DCST1: variants seen among roughly 807,000 people sequenced by gnomAD.
DCST1 encodes E3 ubiquitin-protein ligase DCST1.
Under a neutral mutation model 89.1 loss-of-function variants are expected in DCST1, and 78 were observed. That is an observed-to-expected ratio of 0.88 (90% CI 0.73 to 1.06). The LOEUF (loss-of-function observed/expected upper bound fraction) is 1.06. Ranked by LOEUF, DCST1 falls within the 50% of genes least tolerant of loss-of-function variation. The probability of loss-of-function intolerance (pLI) is 0.00; values close to 1 mark genes in which losing one functional copy is unlikely to be tolerated. For synonymous variants in DCST1, 364 were observed against 371.9 expected (o/e 0.98, Z 0.24); for missense variants, 900 against 928.6 (o/e 0.97, Z 0.40).
At chr1:155,041,307 G>T (rs1660433529) in intron 6 of DCST1, 90 bp from the exon 7 acceptor site, 3 of 1,376,170 alleles carry the variant, frequency 2.2e-6, no homozygotes, top group Non-Finnish European at 3.0e-6. Flanking sequence ...AGAACCCAAA[G>T]CTTGGCTACT....
At chr1:155,038,498 G>A (rs1660338139) in intron 4 of DCST1, among the ~76,000 whole-genome samples, 3 of 152,232 alleles carry the variant, frequency 2.0e-5, no homozygotes, top group African/African-American at 7.2e-5. Flanking sequence ...AGATGATGGG[G>A]ACTCTACCAC....
chr1:155,046,469 T>C lies in DCST1; in HGVS notation c.1478T>C (p.Leu493Pro). The C allele has an allele frequency of 6.2e-7, 1 of 1,614,050 alleles. No homozygotes were observed. Among genetic ancestry groups the C allele is most frequent in the Non-Finnish European group, 8.5e-7 (1 of 1,179,996 alleles). The change falls in exon 13 of 17, where the codon CTG becomes CCG. Residue 493 changes from leucine to proline, a missense_variant. Leu to Pro is a moderately conservative substitution (Grantham distance 98, BLOSUM62 -3). Transcript: ENST00000295542. ...IFDTIRHHSF[L>P]QYSFRSSHKL... Reference sequence around the variant, plus strand: ...GACACCATCCGCCACCACTCCTTCCTGCAGTACTCCTTCCGCAGTAAGCCC... The same window carrying C: ...GACACCATCCGCCACCACTCCTTCCCGCAGTACTCCTTCCGCAGTAAGCCC...
In DCST1 at chr1:155,046,401, G is replaced by A; in HGVS notation, c.1410G>A (p.Leu470=). ...AGACACTGCCCATTCTGCTGCTGCT[G>A]GTGGTGCTGTGTGGCTTGGACTGGG... ...LLETLPILLL[L]VVLCGLDWAL... The change falls in exon 13 of 17, where the codon CTG becomes CTA. Residue 470 remains leucine, a synonymous_variant. Transcript: ENST00000295542. 1.2e-6 allele frequency: 2 copies of A among 1,614,102 alleles called. No individual in the cohort carries two copies. Among genetic ancestry groups the A allele is most frequent in the South Asian group, 2.2e-5 (2 of 91,078 alleles).
At chr1:155,045,211 G>A (rs993909957) in intron 10 of DCST1, 4 of 152,576 alleles carry the variant, frequency 2.6e-5, no homozygotes, top group African/African-American at 7.2e-5. Context: ...TACAGAGTTT[G>A]TTTAATGTAC....
chr1:155,040,664 C>A, intron 6 of DCST1, 40 bp downstream of exon 6: 1 of 1,517,110 alleles, frequency 6.6e-7, no homozygotes, highest in South Asian at 1.2e-5. Flanking sequence ...GGGTCCCTCT[C>A]CCTGGGGCCA....
intron 16 of DCST1, among the ~76,000 whole-genome samples, chr1:155,048,514 G>A (rs1278338231): frequency 6.6e-6 from 1 of 152,148 alleles, no homozygotes. Flanking sequence ...TGGCCAGGCT[G>A]GTCTCAAACT....
chr1:155,038,851 C>G (rs1558106679), intron 4 of DCST1, among the ~76,000 whole-genome samples: 1 of 152,232 alleles, frequency 6.6e-6, no homozygotes, highest in African/African-American at 2.4e-5. Flanking sequence ...TATGAGCTTC[C>G]AGAAGTTCAC....
At chr1:155,042,283 G>A (rs1015583970) in intron 8 of DCST1, among the ~76,000 whole-genome samples, 9 of 152,142 alleles carry the variant, frequency 5.9e-5, no homozygotes, top group African/African-American at 2.2e-4. Flanking sequence ...ATATTTAGTA[G>A]AGACGGGGTT....
At chr1:155,050,534 C>A (rs375415607) in intron 16 of DCST1, 83 bp from the exon 17 acceptor site, 7 of 1,451,066 alleles carry the variant, frequency 4.8e-6, no homozygotes, top group Middle Eastern at 2.5e-4. Flanking sequence ...TCAGGCCTGG[C>A]GACTTCAGAC....
chr1:155,048,881 G>A, intron 16 of DCST1: 3 of 624,526 alleles, frequency 4.8e-6, no homozygotes, highest in South Asian at 1.9e-5. Flanking sequence ...GAGGAGGCAG[G>A]TGGGCTGGGA....
chr1:155,039,346 G>A, intron 4 of DCST1, 57 bp from the exon 5 acceptor site: 9 of 1,463,864 alleles, frequency 6.1e-6, no homozygotes, highest in Non-Finnish European at 8.2e-6. Flanking sequence ...TGGTAAACGT[G>A]AGGAAGGGAG....
intron 16 of DCST1, among the ~76,000 whole-genome samples, chr1:155,050,088 T>C (rs1571576299): frequency 6.6e-6 from 1 of 152,202 alleles, no homozygotes; most frequent in Admixed American, 6.5e-5. Context: ...TGGAGTTTCT[T>C]GGGCAAAGAG....
intron 16 of DCST1, among the ~76,000 whole-genome samples, chr1:155,048,448 G>A (rs542040610): frequency 6.6e-6 from 1 of 152,254 alleles, no homozygotes; most frequent in East Asian, 1.9e-4. Flanking sequence ...ACAGGCACAC[G>A]CCATCACGCC....
intron 14 of DCST1, 130 bp from the exon 15 acceptor site, chr1:155,047,657 G>C (rs1182815223): frequency 8.7e-6 from 7 of 802,358 alleles, no homozygotes; most frequent in Non-Finnish European, 1.4e-5. Flanking sequence ...CAGTTCTGCA[G>C]TGAGGGGCAG....
chr1:155,049,924 G>A (rs546007376), intron 16 of DCST1, among the ~76,000 whole-genome samples: 7 of 152,336 alleles, frequency 4.6e-5, no homozygotes, highest in African/African-American at 1.4e-4. Context: ...CAGGGAATGC[G>A]AAGTGCCAGG....
At chr1:155,049,129 C>A in intron 16 of DCST1, 1 of 711,682 alleles carries the variant, frequency 1.4e-6, no homozygotes, top group Non-Finnish European at 2.6e-6. Flanking sequence ...AGTGTGTATC[C>A]CGGCTCCTTC....
At position 155,034,570 on chromosome 1, in the gene DCST1, G is replaced by A; in HGVS notation, c.187+10G>A. On this transcript the variant is annotated intron_variant, in intron 3 of 16. Coordinates refer to ENST00000295542, the MANE Select transcript of DCST1 (RefSeq NM_152494.4). ...GGGCTCCTGGCCATAGGTGAGTGTG[G>A]AAGCAGAAAGTTCGGGGTGGGCAGA... 1 of 1,613,930 alleles carries A rather than the reference G, an allele frequency of 6.2e-7. No individual in the cohort carries two copies. The highest frequency in any genetic ancestry group is 8.5e-7 in the Non-Finnish European group (1 of 1,180,018).
chr1:155,042,192 G>T lies in DCST1; in HGVS notation c.892+335G>T, dbSNP rs111845381. Among the ~76,000 whole-genome samples the T allele has an allele frequency of 2.0e-5, 3 of 152,050 alleles. No homozygotes were observed. The East Asian group carries it at 5.8e-4, about 29-fold the overall frequency. On this transcript the variant is annotated intron_variant, in intron 8 of 16. Coordinates refer to ENST00000295542, the MANE Select transcript of DCST1 (RefSeq NM_152494.4). Reference sequence around the variant, plus strand: ...CGGCTCACCGCAACCTCTGCCTCCCGGGTTCAAGCGATTCTCCTGCCTCAG... The same window carrying T: ...CGGCTCACCGCAACCTCTGCCTCCCTGGTTCAAGCGATTCTCCTGCCTCAG...
intron 8 of DCST1, 78 bp from the exon 9 acceptor site, chr1:155,042,657 A>G: frequency 1.3e-6 from 2 of 1,598,254 alleles, no homozygotes; most frequent in African/African-American, 1.3e-5. Context: ...GAGGAGGACT[A>G]CAGGAGGACA....
Sources: gnomAD v4.1 joint callset for allele counts (sites outside exome capture counted in the v4.1 genomes callset) on GRCh38, gnomAD v4.1.1 for gene constraint, MANE v1.5 for transcripts, NCBI Gene and HGNC (gene_info 2026-07-23, HGNC 2026-07-21) for gene names.